Variants in ACBD7 observed in about 807,000 individuals in gnomAD.
The protein encoded by ACBD7 is acyl-CoA binding domain containing 7.
ACBD7 carries 11 observed loss-of-function variants against 13.7 expected under a neutral mutation model. The observed-to-expected ratio is 0.80, with a 90% confidence interval of 0.50 to 1.33. The LOEUF (loss-of-function observed/expected upper bound fraction) is 1.33. Ranked by LOEUF, ACBD7 falls within the 40% of genes most tolerant of loss-of-function variation. ACBD7 has a pLI of 0.00. For synonymous variants in ACBD7, 43 were observed against 37.7 expected (o/e 1.14, Z -0.51); for missense variants, 111 against 103.0 (o/e 1.08, Z -0.33).
In ACBD7 at chr10:15,078,716, T is replaced by C; in HGVS notation, c.168A>G (p.Lys56=). ...CTTTTTTGAGGTTCCATGCTTCCCA[T>C]TTGGCTTTGCCTTTTAAATCTAGCA... is the stretch of plus-strand genomic sequence containing the variant. ...PGMLDLKGKA[K]WEAWNLKKGL... The change falls in exon 3 of 4, where the codon AAA becomes AAG. Residue 56 remains lysine (K), a synonymous_variant. Transcript: ENST00000356189. 1 of 1,614,084 alleles carries C rather than the reference T, an allele frequency of 6.2e-7. No homozygotes were observed. The highest frequency in any genetic ancestry group is 8.5e-7 in the Non-Finnish European group (1 of 1,179,996).
intron 1 of ACBD7, among the ~76,000 whole-genome samples, chr10:15,082,774 C>T (rs952853394): frequency 3.1e-4 from 47 of 152,144 alleles, no homozygotes; most frequent in African/African-American, 1.1e-3. Flanking sequence ...CAGTGGCTCA[C>T]GTCTGTAATC....
chr10:15,079,146 G>A (rs1172790165), intron 1 of ACBD7, 106 bp from the exon 2 acceptor site: 2 of 585,012 alleles, frequency 3.4e-6, no homozygotes, highest in African/African-American at 3.8e-5. Flanking sequence ...AACTTCTGCT[G>A]CTCTGGTTCT....
intron 1 of ACBD7, among the ~76,000 whole-genome samples, chr10:15,079,565 G>A (rs1164935783): frequency 2.0e-5 from 3 of 150,716 alleles, no homozygotes; most frequent in African/African-American, 4.9e-5. Flanking sequence ...GTGAGCCACT[G>A]AACCTGATGG....
rs542552585 is a variant in ACBD7 at position 15,076,306 on chromosome 10, C to T, written c.*2224G>A. On this transcript the variant is annotated 3_prime_UTR_variant, in exon 4 of 4. Coordinates refer to ENST00000356189, the MANE Select transcript of ACBD7 (RefSeq NM_001039844.3). Reference sequence around the variant, plus strand: ...CCATCCAGAAAGACTGAGTAGGGGGCCAATATTATATTCCAGACTCTATTT... The same window carrying T: ...CCATCCAGAAAGACTGAGTAGGGGGTCAATATTATATTCCAGACTCTATTT... 36 of 984,950 alleles carry T rather than the reference C, an allele frequency of 3.7e-5. No homozygotes were observed. In the South Asian group the frequency reaches 1.3e-3, roughly 36 times the overall value. 61.0% of individuals were successfully genotyped at this position (984,950 alleles called of 1,614,324 possible). A position where few individuals can be genotyped will look rare whatever the true frequency, so the allele number is the denominator to read the frequency against.
intron 2 of ACBD7, 72 bp from the exon 3 acceptor site, chr10:15,078,825 G>A (rs1341188828): frequency 9.5e-6 from 14 of 1,468,296 alleles, no homozygotes; most frequent in South Asian, 1.3e-5. Context: ...TTGTTCAAAC[G>A]GAGTATATTA....
intron 1 of ACBD7, chr10:15,088,447 C>T: frequency 3.8e-6 from 2 of 525,250 alleles, no homozygotes; most frequent in Non-Finnish European, 6.6e-6. Context: ...GAGGAGGAGG[C>T]CCGCTCCGTG....
intron 1 of ACBD7, 33 bp downstream of exon 1, chr10:15,088,684 C>T (rs371662848): frequency 6.3e-7 from 1 of 1,593,654 alleles, no homozygotes; most frequent in Admixed American, 1.7e-5. Flanking sequence ...CGCGGAGCGC[C>T]CCTCCCGCGT....
chr10:15,082,189 G>C (rs1844757821), intron 1 of ACBD7, among the ~76,000 whole-genome samples: 1 of 151,748 alleles, frequency 6.6e-6, no homozygotes, highest in Non-Finnish European at 1.5e-5. Flanking sequence ...GGGAGGCTGA[G>C]GCAGGAGAAT....
intron 1 of ACBD7, among the ~76,000 whole-genome samples, chr10:15,084,046 G>A (rs1426524302): frequency 6.6e-6 from 1 of 152,188 alleles, no homozygotes; most frequent in Non-Finnish European, 1.5e-5. Flanking sequence ...GCACAGACGG[G>A]AAGGTACGGA....
intron 1 of ACBD7, among the ~76,000 whole-genome samples, chr10:15,085,181 TGCAAGACAA>T (rs1844795471): frequency 2.6e-5 from 4 of 152,246 alleles, no homozygotes; most frequent in African/African-American, 9.6e-5. Flanking sequence ...CTTGGGATTC[TGCAAGACAA>T]ACTGCCTTAA....
chr10:15,078,803 C>T (rs913811674), intron 2 of ACBD7, 50 bp from the exon 3 acceptor site: 3 of 1,578,562 alleles, frequency 1.9e-6, no homozygotes, highest in Non-Finnish European at 2.6e-6. Context: ...TTACTGTGCA[C>T]TTCTATAGAC....
chr10:15,086,050 G>C (rs1844804580), intron 1 of ACBD7, among the ~76,000 whole-genome samples: 1 of 152,162 alleles, frequency 6.6e-6, no homozygotes, highest in Non-Finnish European at 1.5e-5. Flanking sequence ...GCTCACATCT[G>C]TAATCCCAGC....
intron 1 of ACBD7, among the ~76,000 whole-genome samples, chr10:15,084,368 G>C (rs1425905078): frequency 6.6e-6 from 1 of 152,188 alleles, no homozygotes; most frequent in African/African-American, 2.4e-5. Context: ...TCATAGGTGA[G>C]ATGCAGCTTT....
chr10:15,079,691 G>A (rs1844727588), intron 1 of ACBD7, among the ~76,000 whole-genome samples: 1 of 151,184 alleles, frequency 6.6e-6, no homozygotes, highest in Admixed American at 6.6e-5. Flanking sequence ...CCATTCTCCT[G>A]CCTCAGCCTC....
Position 15,076,337 on chromosome 10 carries a change from CAGAT to C in ACBD7, c.*2189_*2192del, listed in dbSNP as rs1256943266. The C allele has an allele frequency of 3.0e-6, 3 of 985,226 alleles. No homozygotes were observed. Among genetic ancestry groups the C allele is most frequent in the Non-Finnish European group, 3.6e-6 (3 of 829,860 alleles). 61.0% of individuals were successfully genotyped at this position (985,226 alleles called of 1,614,324 possible). ...TTATATTCCAGACTCTATTTTTACTCAGATAGAACTGAACATATGGGGTACAGTA... is the reference window on the plus strand; with the variant it reads ...TTATATTCCAGACTCTATTTTTACTCAGAACTGAACATATGGGGTACAGTA... On this transcript the variant is annotated 3_prime_UTR_variant, in exon 4 of 4. Coordinates refer to ENST00000356189, the MANE Select transcript of ACBD7 (RefSeq NM_001039844.3).
At chr10:15,083,849 ATACTAATTAACAAACC>A (rs1201679132) in intron 1 of ACBD7, among the ~76,000 whole-genome samples, 32 of 152,312 alleles carry the variant, frequency 2.1e-4, no homozygotes, top group South Asian at 1.0e-3. Flanking sequence ...CTCACAGCTC[ATACTAATTAACAAACC>A]TACTTACTGA....
At chr10:15,078,884 G>T (rs751891917) in intron 2 of ACBD7, 39 bp downstream of exon 2, 39 of 1,212,942 alleles carry the variant, frequency 3.2e-5, no homozygotes, top group Non-Finnish European at 3.8e-5. Context: ...TATATTAATT[G>T]TAACATATGA....
chr10:15,086,576 C>T (rs754803802), intron 1 of ACBD7, among the ~76,000 whole-genome samples: 1 of 152,086 alleles, frequency 6.6e-6, no homozygotes, highest in East Asian at 1.9e-4. Flanking sequence ...ACACATAAGT[C>T]ACGCACAAGA....
chr10:15,086,784 C>T (rs776110610), intron 1 of ACBD7, among the ~76,000 whole-genome samples: 16 of 152,004 alleles, frequency 1.1e-4, no homozygotes, highest in Non-Finnish European at 2.1e-4. Context: ...GAGGCTGAGG[C>T]GGGCAGATCA....
Sources: allele counts gnomAD v4.1 joint callset (sites outside exome capture counted in the v4.1 genomes callset), GRCh38; gene constraint gnomAD v4.1.1; transcripts MANE v1.5; gene names NCBI Gene and HGNC (gene_info 2026-07-23, HGNC 2026-07-21).